DSCAML1: variants seen among roughly 807,000 people sequenced by gnomAD.
The protein encoded by DSCAML1 is cell adhesion molecule DSCAML1.
Under a neutral mutation model 200.5 loss-of-function variants are expected in DSCAML1, and 38 were observed. The ratio of observed to expected loss-of-function variants is 0.19; its 90% CI spans 0.15 to 0.25. DSCAML1 has a LOEUF of 0.25. Ranked by LOEUF, DSCAML1 falls within the 10% of genes least tolerant of loss-of-function variation. The pLI is 1.00. For synonymous variants in DSCAML1, 1,215 were observed against 1,165.0 expected (o/e 1.04, Z -0.87); for missense variants, 2,223 against 2,858.8 (o/e 0.78, Z 5.07).
At chr11:117,686,863 T>C (rs1186900226) in intron 3 of DSCAML1, among the ~76,000 whole-genome samples, 2 of 152,212 alleles carry the variant, frequency 1.3e-5, no homozygotes, top group Non-Finnish European at 2.9e-5. Flanking sequence ...ATGATGATGG[T>C]AACTCACATT....
intron 3 of DSCAML1, among the ~76,000 whole-genome samples, chr11:117,705,048 G>A (rs1405620690): frequency 6.6e-6 from 1 of 152,214 alleles, no homozygotes. Context: ...AGGGGGGGAC[G>A]TCTGCGGGCT....
intron 6 of DSCAML1, among the ~76,000 whole-genome samples, chr11:117,519,486 C>T (rs1000576553): frequency 2.0e-5 from 3 of 152,176 alleles, no homozygotes; most frequent in East Asian, 1.9e-4. Context: ...GCCATCCTTC[C>T]GCACAGGATT....
chr11:117,553,671 C>A (rs1361720581), intron 3 of DSCAML1, among the ~76,000 whole-genome samples: 1 of 152,162 alleles, frequency 6.6e-6, no homozygotes, highest in African/African-American at 2.4e-5. Context: ...AAATTGAAAT[C>A]CTCGTGCACT....
At chr11:117,584,968 CTTATGA>C (rs769662795) in intron 3 of DSCAML1, among the ~76,000 whole-genome samples, 284 of 152,282 alleles carry the variant, frequency 1.9e-3, no homozygotes, top group Non-Finnish European at 3.2e-3. Flanking sequence ...CATATTAGCT[CTTATGA>C]TTATAACATG....
rs1384537180 is a variant in DSCAML1, at chr11:117,516,006, G to A, written c.1783+461C>T. On this transcript the variant is annotated intron_variant, in intron 8 of 32. Transcript: ENST00000651296. This position sits in a 1 kb window ranked among gnomAD's most constrained non-coding sequence, Gnocchi z 5.7. ...GAAGGGTGTTCCCAGTCCTGTAGAA[G>A]CAGCCTGGGTACTGTGTATCCCACA... is the stretch of plus-strand genomic sequence containing the variant. 6.6e-6 allele frequency among the ~76,000 whole-genome samples: 1 copy of A among 152,156 alleles called. No individual in the cohort carries two copies. Among genetic ancestry groups the A allele is most frequent in the Non-Finnish European group, 1.5e-5 (1 of 68,036 alleles).
chr11:117,609,139 C>A (rs2137526809), intron 3 of DSCAML1, among the ~76,000 whole-genome samples: 1 of 151,568 alleles, frequency 6.6e-6, no homozygotes, highest in East Asian at 1.9e-4. Context: ...GCAGATGTTG[C>A]AGTGAGCCGA....
At chr11:117,755,213 G>T (rs1386846248) in intron 3 of DSCAML1, among the ~76,000 whole-genome samples, 1 of 152,056 alleles carries the variant, frequency 6.6e-6, no homozygotes, top group Non-Finnish European at 1.5e-5. Flanking sequence ...ATTTGTCCAG[G>T]ACTTGCAAGA....
rs753050714 is a variant in DSCAML1, at chr11:117,505,515, A to G, written c.2001T>C (p.Tyr667=). The G allele has an allele frequency of 1.2e-6, 2 of 1,613,174 alleles. No homozygotes were observed. The highest frequency in any genetic ancestry group is 1.6e-4 in the Middle Eastern group (1 of 6,062). The change falls in exon 9 of 33, where the codon TAT becomes TAC. Residue 667 remains tyrosine (Y), a synonymous_variant. Coordinates refer to ENST00000651296, the MANE Select transcript of DSCAML1 (RefSeq NM_020693.4). The surrounding 1 kb of genome is among the most constrained non-coding windows in gnomAD (Gnocchi z 6.7). ...SSVSLKHNGN[Y]TCIASNAAAT... ...CGGCTGCGTTGCTGGCGATGCATGT[A>G]TAGTTGCCGTTGTGCTTGAGGGAGA...
Position 117,430,977 on chromosome 11 carries a change from G to A in DSCAML1, c.5431C>T (p.Leu1811=). 3 of 1,614,170 alleles carry A rather than the reference G, an allele frequency of 1.9e-6. No individual in the cohort carries two copies. The highest frequency in any genetic ancestry group is 2.5e-6 in the Non-Finnish European group (3 of 1,180,040). ...TTGGCATGCTCATAGGCCCGGGCCA[G>A]CTCCTCGTAGGTGGAAGAGGCACTC... The part of the protein sequence containing the change: ...TESASSTYEE[L]ARAYEHAKLE... The change falls in exon 32 of 33, where the codon CTG becomes TTG. Residue 1811 remains leucine, a synonymous_variant. Transcript: ENST00000651296.
chr11:117,644,579 C>T (rs1285467664), intron 3 of DSCAML1, among the ~76,000 whole-genome samples: 3 of 152,268 alleles, frequency 2.0e-5, no homozygotes, highest in South Asian at 2.1e-4. Flanking sequence ...CCAGCAGAGG[C>T]GAGGCGGCCA....
chr11:117,746,673 T>C (rs1337491509), intron 3 of DSCAML1, among the ~76,000 whole-genome samples: 2 of 152,196 alleles, frequency 1.3e-5, no homozygotes, highest in Non-Finnish European at 2.9e-5. Flanking sequence ...ACTGGCAACC[T>C]GGGACGACAA....
intron 3 of DSCAML1, among the ~76,000 whole-genome samples, chr11:117,644,617 C>T (rs930306034): frequency 4.6e-5 from 7 of 152,262 alleles, no homozygotes; most frequent in Admixed American, 1.3e-4. Flanking sequence ...TTATTAAATA[C>T]GTTCAAGAGC....
intron 3 of DSCAML1, among the ~76,000 whole-genome samples, chr11:117,718,686 C>CCTTA (rs1565892873): frequency 2.0e-4 from 27 of 134,516 alleles, no homozygotes; most frequent in Admixed American, 6.3e-4. Flanking sequence ...CCCCCCCCAT[C>CCTTA]ATATGAGACC....
chr11:117,466,268 A>G (rs908070516), intron 16 of DSCAML1, among the ~76,000 whole-genome samples: 3 of 152,264 alleles, frequency 2.0e-5, no homozygotes, highest in African/African-American at 7.2e-5. Flanking sequence ...GCAGCCATGA[A>G]AGGGAGAAAA....
At chr11:117,603,851 T>A (rs151163280) in intron 3 of DSCAML1, among the ~76,000 whole-genome samples, 181 of 152,348 alleles carry the variant, frequency 1.2e-3, no homozygotes, top group African/African-American at 4.0e-3. Context: ...TCAAATACTA[T>A]CACTACCACC....
intron 11 of DSCAML1, among the ~76,000 whole-genome samples, chr11:117,488,299 G>A (rs1027222916): frequency 6.6e-6 from 1 of 152,160 alleles, no homozygotes; most frequent in African/African-American, 2.4e-5. Flanking sequence ...GGGAAGTTCA[G>A]GGCATAGGTG....
At chr11:117,566,788 T>C (rs1391321558) in intron 3 of DSCAML1, among the ~76,000 whole-genome samples, 2 of 149,704 alleles carry the variant, frequency 1.3e-5, no homozygotes, top group Admixed American at 6.7e-5. Flanking sequence ...TCCATGTGTT[T>C]TCATTGTTCA....
intron 3 of DSCAML1, among the ~76,000 whole-genome samples, chr11:117,672,195 G>A (rs1221580934): frequency 6.6e-6 from 1 of 151,708 alleles, no homozygotes; most frequent in Admixed American, 6.6e-5. Flanking sequence ...TCGGGAGGTT[G>A]GATTCTTCCA....
intron 19 of DSCAML1, among the ~76,000 whole-genome samples, chr11:117,451,551 C>T (rs755987709): frequency 5.9e-5 from 9 of 152,184 alleles, no homozygotes; most frequent in African/African-American, 1.7e-4. Flanking sequence ...TGGGCAGGTG[C>T]GGTGGCTCAT....
Sources: allele counts gnomAD v4.1 joint callset (sites outside exome capture counted in the v4.1 genomes callset), GRCh38; gene constraint gnomAD v4.1.1; non-coding constraint Gnocchi (gnomAD v3.1); transcripts MANE v1.5; gene names NCBI Gene and HGNC (gene_info 2026-07-23, HGNC 2026-07-21).